AGBL1: variants seen among roughly 807,000 people sequenced by gnomAD.
The protein encoded by AGBL1 is cytosolic carboxypeptidase 4.
Under a neutral mutation model 118.9 loss-of-function variants are expected in AGBL1, and 130 were observed. The observed-to-expected ratio is 1.09, with a 90% CI of 0.95 to 1.26. AGBL1 has a LOEUF of 1.26. Among genes scored for constraint, AGBL1 ranks in the 50% most tolerant of loss-of-function variants. AGBL1 has a pLI of 0.00. For missense variants in AGBL1, 1,584 were observed against 1,298.1 expected, an observed-to-expected ratio of 1.22 and a Z score of -3.38; for synonymous variants, 555 against 478.9, an observed-to-expected ratio of 1.16 and a Z score of -2.08.
intron 21 of AGBL1, among the ~76,000 whole-genome samples, chr15:86,641,519 G>A (rs1482285803): frequency 1.3e-5 from 2 of 151,906 alleles, no homozygotes; most frequent in Non-Finnish European, 2.9e-5. Flanking sequence ...TGACTTTTGT[G>A]AGAATCATTT....
intron 16 of AGBL1, among the ~76,000 whole-genome samples, chr15:86,289,464 C>G (rs976856222): frequency 2.0e-5 from 3 of 152,144 alleles, no homozygotes; most frequent in African/African-American, 7.2e-5. Flanking sequence ...AGATGCTCTT[C>G]ACATACATTA....
chr15:86,204,469 C>G (rs2077957303), intron 5 of AGBL1, among the ~76,000 whole-genome samples: 3 of 150,998 alleles, frequency 2.0e-5, no homozygotes, highest in African/African-American at 4.9e-5. Context: ...GATCCCTTCC[C>G]TTACCTTCCC....
chr15:86,215,221 A>ATGTGTGTGTGTGTGTG lies in AGBL1; in HGVS notation c.489-9691_489-9690insTGTGTGTGTGTGTGTG, dbSNP rs766862249. ...TGTGTGTGTGTGTGAGTGTATATGT[A>ATGTGTGTGTGTGTGTG]TGCGTGTGTGTGTGTGTGTGTGTGT... On this transcript the variant is annotated intron_variant, in intron 5 of 22. Transcript: ENST00000614907. 1.0e-4 allele frequency among the ~76,000 whole-genome samples: 13 copies of ATGTGTGTGTGTGTGTG among 124,772 alleles called. No individual in the cohort carries two copies. The South Asian group carries it at 3.2e-3, about 30-fold the overall frequency. The allele number at this position is 124,772 out of a possible 152,430, so 81.9% of individuals were successfully genotyped here.
In AGBL1 at chr15:86,522,920, G is replaced by A. The variant is rs556830889; in HGVS notation, c.2666G>A (p.Ser889Asn). 8 of 1,613,968 alleles carry A rather than the reference G, an allele frequency of 5.0e-6. No individual in the cohort carries two copies. Among genetic ancestry groups the A allele is most frequent in the African/African-American group, 1.3e-5 (1 of 75,058 alleles). The change falls in exon 19 of 23, where the codon AGC becomes AAC. Residue 889 changes from serine (S) to asparagine (N), a missense_variant. Transcript: ENST00000614907. ...AAAGGCCTCCTCTACCACCTGAGCA[G>A]CATTGGCCGAAGTCCCGTGGTGAGT... Reference protein sequence around the residue: ...HAKGLLYHLSSIGRSPVVFCD... With the variant: ...HAKGLLYHLSNIGRSPVVFCD...
chr15:86,101,006 T>G (rs149405556), intron 1 of AGBL1, among the ~76,000 whole-genome samples: 108 of 152,280 alleles, frequency 7.1e-4, no homozygotes, highest in African/African-American at 2.4e-3. Flanking sequence ...AGGCATTTAT[T>G]GCTATAAACT....
intron 19 of AGBL1, among the ~76,000 whole-genome samples, chr15:86,533,307 G>A (rs1240216269): frequency 7.6e-6 from 1 of 132,440 alleles, no homozygotes; most frequent in Non-Finnish European, 1.6e-5. Context: ...CGAAGGACAT[G>A]AGCAGACACT....
At chr15:86,767,773 C>T (rs149822546) in intron 22 of AGBL1, among the ~76,000 whole-genome samples, 2 of 151,890 alleles carry the variant, frequency 1.3e-5, no homozygotes, top group African/African-American at 2.4e-5. Context: ...GATGCGATGA[C>T]CAGAACTACT....
At chr15:86,247,412 A>T (rs2078738283) in intron 6 of AGBL1, among the ~76,000 whole-genome samples, 1 of 152,140 alleles carries the variant, frequency 6.6e-6, no homozygotes, top group African/African-American at 2.4e-5. Context: ...TGGGTTATGC[A>T]TTCTTGGCAG....
intron 17 of AGBL1, among the ~76,000 whole-genome samples, chr15:86,318,560 T>C (rs2080053928): frequency 1.3e-5 from 2 of 152,072 alleles, no homozygotes; most frequent in Non-Finnish European, 2.9e-5. Flanking sequence ...CAAAGACCAC[T>C]AGAGCCAGAT....
intron 6 of AGBL1, among the ~76,000 whole-genome samples, chr15:86,226,647 G>A (rs556612208): frequency 1.1e-4 from 17 of 152,314 alleles, no homozygotes; most frequent in African/African-American, 2.9e-4. Flanking sequence ...GTGCAAACAC[G>A]GCTTGATTCA....
intron 21 of AGBL1, among the ~76,000 whole-genome samples, chr15:86,603,230 A>G (rs1222600027): frequency 6.6e-6 from 1 of 152,062 alleles, no homozygotes; most frequent in East Asian, 1.9e-4. Flanking sequence ...GACCTTCTGG[A>G]CTGTATCTTT....
intron 22 of AGBL1, among the ~76,000 whole-genome samples, chr15:86,710,840 A>G (rs1444792474): frequency 6.6e-6 from 1 of 152,202 alleles, no homozygotes; most frequent in Non-Finnish European, 1.5e-5. Flanking sequence ...TCAAGGTCAA[A>G]TATTAGCACT....
chr15:86,755,326 T>C (rs557663856), intron 22 of AGBL1, among the ~76,000 whole-genome samples: 3 of 152,144 alleles, frequency 2.0e-5, no homozygotes, highest in African/African-American at 7.2e-5. Flanking sequence ...TATACTTCAT[T>C]TGAAGTTTGA....
chr15:86,576,945 C>T (rs1026014127), intron 21 of AGBL1, among the ~76,000 whole-genome samples: 1 of 152,170 alleles, frequency 6.6e-6, no homozygotes, highest in Non-Finnish European at 1.5e-5. Flanking sequence ...GTAAATTGCC[C>T]AGTCTTGGAT....
In AGBL1 at chr15:86,680,565, C is replaced by CTTTTTTTTTT. The variant is rs34873609; in HGVS notation, c.3158+6140_3158+6149dup. Among the ~76,000 whole-genome samples, 459 of 94,656 alleles carry CTTTTTTTTTT rather than the reference C, an allele frequency of 4.8e-3. 1 individual carries two copies. The highest frequency in any genetic ancestry group is 5.8e-3 in the Non-Finnish European group (292 of 50,104). The allele number at this position is 94,656 out of a possible 152,430, so 62.1% of individuals were successfully genotyped here. A position where few individuals can be genotyped will look rare whatever the true frequency, so the allele number is the denominator to read the frequency against. On this transcript the variant is annotated intron_variant, in intron 22 of 22. Coordinates refer to ENST00000614907, the MANE Select transcript of AGBL1 (RefSeq NM_001386094.1). ...TCTTTTTTCTTTCTTTCTTTCTTTTCTTTTTTTTTTTTTTTTTTTTGAGAT... is the reference window on the plus strand; with the variant it reads ...TCTTTTTTCTTTCTTTCTTTCTTTTCTTTTTTTTTTTTTTTTTTTTTTTTTTTTTTGAGAT...
rs1292290641 is a variant in AGBL1, at chr15:86,915,120, A to C, written c.*7826A>C. On this transcript the variant is annotated 3_prime_UTR_variant, in exon 23 of 23. Coordinates refer to ENST00000614907, the MANE Select transcript of AGBL1 (RefSeq NM_001386094.1). ...TGCAATGTTGTTGAGTGTGAATCTT[A>C]GCTTTGGTTGGAGTCCAAAGCTAAG... is the stretch of plus-strand genomic sequence containing the variant. The C allele has an allele frequency of 2.0e-5, 3 of 152,190 alleles. No homozygotes were observed. The highest frequency in any genetic ancestry group is 7.2e-5 in the African/African-American group (3 of 41,458). 9.4% of individuals were successfully genotyped at this position (152,190 alleles called of 1,614,324 possible).
At chr15:86,661,850 G>T (rs2085546502) in intron 21 of AGBL1, among the ~76,000 whole-genome samples, 1 of 152,132 alleles carries the variant, frequency 6.6e-6, no homozygotes, top group African/African-American at 2.4e-5. Flanking sequence ...CATGTTCTGT[G>T]CAGTTTAACT....
intron 19 of AGBL1, among the ~76,000 whole-genome samples, chr15:86,533,309 G>A (rs1403780428): frequency 7.5e-6 from 1 of 132,782 alleles, no homozygotes; most frequent in South Asian, 2.5e-4. Context: ...AAGGACATGA[G>A]CAGACACTTC....
chr15:86,980,542 C>T (rs2081221551), intron 23 of AGBL1, among the ~76,000 whole-genome samples: 1 of 152,138 alleles, frequency 6.6e-6, no homozygotes, highest in Non-Finnish European at 1.5e-5. Context: ...TCCATTCCTC[C>T]TCTAAGAAAA....
Sources: allele counts gnomAD v4.1 joint callset (sites outside exome capture counted in the v4.1 genomes callset), GRCh38; gene constraint gnomAD v4.1.1; transcripts MANE v1.5; gene names NCBI Gene and HGNC (gene_info 2026-07-23, HGNC 2026-07-21).